Variants in FNDC3B observed in about 807,000 individuals in gnomAD.
The protein encoded by FNDC3B is fibronectin type III domain-containing protein 3B.
A neutral mutation model predicts 151.5 loss-of-function variants in FNDC3B; 12 were observed. The ratio of observed to expected loss-of-function variants is 0.08; its 90% CI spans 0.05 to 0.13. FNDC3B has a LOEUF of 0.13. Ranked by LOEUF, FNDC3B falls within the 10% of genes least tolerant of loss-of-function variation. FNDC3B has a pLI of 1.00. For missense variants in FNDC3B, 1,214 were observed against 1,505.3 expected, an observed-to-expected ratio of 0.81 and a Z score of 3.20; for synonymous variants, 528 against 549.0, an observed-to-expected ratio of 0.96 and a Z score of 0.54.
intron 25 of FNDC3B, among the ~76,000 whole-genome samples, chr3:172,383,290 G>A (rs931006893): frequency 6.6e-6 from 1 of 152,214 alleles, no homozygotes; most frequent in African/African-American, 2.4e-5. Flanking sequence ...GTATAGGAAT[G>A]CTTGTGATTT....
Position 172,341,210 on chromosome 3 carries a change from C to T in FNDC3B, c.1950C>T (p.Ile650=). The change falls in exon 17 of 26, where the codon ATC becomes ATT. Residue 650 remains isoleucine, a synonymous_variant. Transcript: ENST00000415807. ...TGTACAAACTCCGAGCATGCTGCAT[C>T]AGTACCGGCGGACACAGCCAGGTTG... ...GTLYKLRACC[I]STGGHSQCSE... The T allele has an allele frequency of 1.2e-6, 2 of 1,614,052 alleles. No individual in the cohort carries two copies. Among genetic ancestry groups the T allele is most frequent in the South Asian group, 2.2e-5 (2 of 91,078 alleles).
chr3:172,045,950 CT>C (rs1316611884), intron 1 of FNDC3B, among the ~76,000 whole-genome samples: 1 of 152,088 alleles, frequency 6.6e-6, no homozygotes, highest in East Asian at 1.9e-4. Flanking sequence ...TAGTTGAGCA[CT>C]TTGCAAGGTA....
intron 22 of FNDC3B, among the ~76,000 whole-genome samples, chr3:172,357,405 T>C (rs1404611097): frequency 6.6e-6 from 1 of 152,208 alleles, no homozygotes; most frequent in African/African-American, 2.4e-5. Flanking sequence ...GTTTCAAGAT[T>C]AGCATGTTAC....
intron 3 of FNDC3B, among the ~76,000 whole-genome samples, chr3:172,159,149 C>T (rs1722647451): frequency 6.6e-6 from 1 of 152,184 alleles, no homozygotes; most frequent in African/African-American, 2.4e-5. Context: ...CGTGGTGGCA[C>T]ATGCCTGTAA....
chr3:172,138,007 A>T (rs1183962886), intron 3 of FNDC3B, among the ~76,000 whole-genome samples: 2 of 152,208 alleles, frequency 1.3e-5, no homozygotes, highest in Non-Finnish European at 2.9e-5. Flanking sequence ...TTATTTTCAT[A>T]TCTGTGTCTG....
rs774975615 is a variant in FNDC3B at position 172,251,427 on chromosome 3, G to A, written c.676G>A (p.Gly226Arg). Residue 226 changes from glycine to arginine, a missense_variant, in exon 6 of 26, where the codon GGG (glycine) becomes AGG (arginine). Gly to Arg is a moderately radical substitution (Grantham distance 125, BLOSUM62 -2). Coordinates refer to ENST00000415807, the MANE Select transcript of FNDC3B (RefSeq NM_022763.4). ...SSCTTVYNGY[G>R]KGHSGGSGGG... is the part of the protein sequence containing the mutation. Reference sequence around the variant, plus strand: ...CTGCACAACAGTATACAATGGCTATGGGAAGGGCCATAGTGGTGGAAGTGG... The same window carrying A: ...CTGCACAACAGTATACAATGGCTATAGGAAGGGCCATAGTGGTGGAAGTGG... 4 of 1,614,120 alleles carry A rather than the reference G, an allele frequency of 2.5e-6. 1 individual carries two copies. In the East Asian group the frequency reaches 6.7e-5, roughly 27 times the overall value.
At chr3:172,277,684 C>G (rs1217817125) in intron 6 of FNDC3B, among the ~76,000 whole-genome samples, 1 of 152,142 alleles carries the variant, frequency 6.6e-6, no homozygotes, top group Non-Finnish European at 1.5e-5. Context: ...TAAAATTTTG[C>G]ATTTCTAGAT....
chr3:172,291,099 T>C (rs1576879200), intron 7 of FNDC3B, among the ~76,000 whole-genome samples: 1 of 152,170 alleles, frequency 6.6e-6, no homozygotes, highest in East Asian at 1.9e-4. Context: ...AAATGGAAAA[T>C]TTTACAGAAC....
chr3:172,101,447 C>A (rs1719375573), intron 1 of FNDC3B, among the ~76,000 whole-genome samples: 1 of 152,230 alleles, frequency 6.6e-6, no homozygotes, highest in Non-Finnish European at 1.5e-5. Flanking sequence ...AGTGCCACCA[C>A]AAAGTGGGTA....
chr3:172,276,866 G>A (rs1576864488), intron 6 of FNDC3B, among the ~76,000 whole-genome samples: 1 of 152,270 alleles, frequency 6.6e-6, no homozygotes, highest in East Asian at 1.9e-4. Flanking sequence ...GATTAAGAGA[G>A]ACTAGTAAAA....
intron 4 of FNDC3B, among the ~76,000 whole-genome samples, chr3:172,244,156 C>A (rs975461086): frequency 6.6e-6 from 1 of 152,128 alleles, no homozygotes; most frequent in Non-Finnish European, 1.5e-5. Context: ...CTTTGAATAT[C>A]CAGTCCTTAG....
intron 6 of FNDC3B, among the ~76,000 whole-genome samples, chr3:172,280,411 T>G (rs1461206010): frequency 6.6e-6 from 1 of 152,244 alleles, no homozygotes; most frequent in African/African-American, 2.4e-5. Context: ...TTTAGGCTTC[T>G]TATCTCCAAA....
chr3:172,290,791 A>C (rs971159167), intron 7 of FNDC3B, among the ~76,000 whole-genome samples: 2 of 152,216 alleles, frequency 1.3e-5, no homozygotes, highest in Non-Finnish European at 2.9e-5. Context: ...CTTAGATTTC[A>C]GTATCCTTTT....
intron 25 of FNDC3B, among the ~76,000 whole-genome samples, chr3:172,392,002 TG>T (rs1736035890): frequency 2.0e-5 from 3 of 152,206 alleles, no homozygotes; most frequent in African/African-American, 2.4e-5. Context: ...AAATGGCTAT[TG>T]TTTTCCTGAG....
intron 1 of FNDC3B, among the ~76,000 whole-genome samples, chr3:172,074,872 C>A (rs1314907604): frequency 6.6e-6 from 1 of 152,198 alleles, no homozygotes; most frequent in African/African-American, 2.4e-5. Context: ...CCACCCTGTT[C>A]TGCCAACTTC....
chr3:172,250,912 G>T (rs947602608), intron 5 of FNDC3B, among the ~76,000 whole-genome samples: 1 of 152,148 alleles, frequency 6.6e-6, no homozygotes, highest in Non-Finnish European at 1.5e-5. Context: ...CGCCTCCAGG[G>T]TTCAAGCGAT....
At chr3:172,238,130 G>A (rs1206980926) in intron 4 of FNDC3B, among the ~76,000 whole-genome samples, 2 of 152,152 alleles carry the variant, frequency 1.3e-5, no homozygotes, top group Admixed American at 6.5e-5. Context: ...AACAGAAAAG[G>A]AAGTCTGGAG....
At chr3:172,106,076 G>A (rs1719629773) in intron 1 of FNDC3B, among the ~76,000 whole-genome samples, 2 of 152,204 alleles carry the variant, frequency 1.3e-5, no homozygotes, top group Non-Finnish European at 1.5e-5. Flanking sequence ...TGCTTTATGG[G>A]TGCTTGTATT....
In FNDC3B at chr3:172,347,273, A is replaced by C; in HGVS notation, c.2426A>C (p.Glu809Ala). The part of the protein sequence containing the change: ...EYRLEWGEDE[E>A]SLELIYHGTD... Reference sequence around the variant, plus strand: ...AGGTTGGAATGGGGAGAAGATGAAGAATCCTTAGAACTCATTTATCATGGG... The same window carrying C: ...AGGTTGGAATGGGGAGAAGATGAAGCATCCTTAGAACTCATTTATCATGGG... The change falls in exon 21 of 26, where the codon GAA (glutamate) becomes GCA (alanine). Residue 809 changes from glutamate (E) to alanine (A), a missense_variant. By Grantham distance (107) the Glu-to-Ala change is moderately radical. This residue lies in a region of FNDC3B where 380 missense variants were observed against 420.9 expected (regional missense o/e 0.90). Transcript: ENST00000415807. 1.9e-6 allele frequency: 3 copies of C among 1,614,080 alleles called. No individual in the cohort carries two copies. The highest frequency in any genetic ancestry group is 1.7e-6 in the Non-Finnish European group (2 of 1,179,980).
Sources: allele counts gnomAD v4.1 joint callset (sites outside exome capture counted in the v4.1 genomes callset), GRCh38; gene constraint gnomAD v4.1.1; regional missense constraint gnomAD v4.1.1; transcripts MANE v1.5; gene names NCBI Gene and HGNC (gene_info 2026-07-23, HGNC 2026-07-21).